The following MARCHF6 variants were observed in gnomAD, a reference collection of about 807,000 sequenced individuals.
MARCHF6 encodes E3 ubiquitin-protein ligase MARCHF6.
MARCHF6 carries 31 observed loss-of-function variants against 133.7 expected under a neutral mutation model. The observed-to-expected ratio is 0.23, with a 90% CI of 0.17 to 0.31. The LOEUF (loss-of-function observed/expected upper bound fraction) is 0.31, where lower values mean the gene tolerates loss of function less well. Ranked by LOEUF, MARCHF6 falls within the 10% of genes least tolerant of loss-of-function variation. The pLI is 1.00. For synonymous variants in MARCHF6, 395 were observed against 402.5 expected, an observed-to-expected ratio of 0.98 and a Z score of 0.22; for missense variants, 723 against 1,121.6, an observed-to-expected ratio of 0.64 and a Z score of 5.08.
intron 22 of MARCHF6, among the ~76,000 whole-genome samples, chr5:10,421,054 A>G (rs951742755): frequency 8.5e-5 from 13 of 152,172 alleles, no homozygotes; most frequent in African/African-American, 3.1e-4. Flanking sequence ...AATAAATGCA[A>G]CTTGTTCTAG....
At chr5:10,358,580 T>G (rs893696661) in intron 1 of MARCHF6, among the ~76,000 whole-genome samples, 2 of 152,208 alleles carry the variant, frequency 1.3e-5, no homozygotes, top group Non-Finnish European at 2.9e-5. Context: ...TTCTAAGTAA[T>G]CTAGAGATAA....
intron 22 of MARCHF6, 86 bp from the exon 23 acceptor site, chr5:10,423,649 A>G: frequency 1.2e-6 from 1 of 828,788 alleles, no homozygotes; most frequent in Non-Finnish European, 1.9e-6. Context: ...TTGATGTGAA[A>G]TAATGTAAGA....
rs762685475 is a variant in MARCHF6 at position 10,387,006 on chromosome 5, A to G, written c.347A>G (p.Lys116Arg). Residue 116 changes from lysine to arginine, a missense_variant, in exon 5 of 26, where the codon AAG (lysine) becomes AGG (arginine). Lys to Arg is a conservative substitution (Grantham distance 26). Coordinates refer to ENST00000274140, the MANE Select transcript of MARCHF6 (RefSeq NM_005885.4). ...VVPLTACRIY[K>R]CLFTGSVSSL... is the part of the protein sequence containing the mutation. ...TCTTTTTCGGTAGGCCGCATCTACA[A>G]GTGCTTGTTTACTGGCTCCGTGAGC... The G allele has an allele frequency of 1.7e-5, 27 of 1,613,174 alleles. No individual in the cohort carries two copies. The highest frequency in any genetic ancestry group is 2.1e-5 in the Non-Finnish European group (25 of 1,179,322).
At chr5:10,363,123 T>C (rs1299777230) in intron 1 of MARCHF6, among the ~76,000 whole-genome samples, 1 of 152,182 alleles carries the variant, frequency 6.6e-6, no homozygotes, top group East Asian at 1.9e-4. Flanking sequence ...CTTCGGAATC[T>C]TGGGTTAGAC....
At position 10,353,890 on chromosome 5, in the gene MARCHF6, C is replaced by A. The variant is rs1735258793; in HGVS notation, c.-9C>A. The A allele has an allele frequency of 6.4e-7, 1 of 1,565,354 alleles. No homozygotes were observed. ...TCGTGGCTGCGTCACCGCCGCCCCC[C>A]CAGACAAGATGGACACCGCGGAGGA... On this transcript the variant is annotated 5_prime_UTR_variant, in exon 1 of 26. Coordinates refer to ENST00000274140, the MANE Select transcript of MARCHF6 (RefSeq NM_005885.4).
intron 22 of MARCHF6, chr5:10,421,827 C>T (rs912330317): frequency 3.3e-5 from 5 of 152,360 alleles, no homozygotes; most frequent in African/African-American, 1.2e-4. Flanking sequence ...TCCCAAAGGT[C>T]TGAAGACGTA....
At chr5:10,407,508 T>A (rs745360023) in intron 17 of MARCHF6, among the ~76,000 whole-genome samples, 1 of 152,244 alleles carries the variant, frequency 6.6e-6, no homozygotes, top group African/African-American at 2.4e-5. Flanking sequence ...TTGCACACCA[T>A]TGAAATGTTT....
chr5:10,353,972 C>G, intron 1 of MARCHF6, 55 bp downstream of exon 1: 4 of 1,515,268 alleles, frequency 2.6e-6, no homozygotes, highest in Admixed American at 4.1e-5. Flanking sequence ...GGGTTCGTAC[C>G]CCGGCCAGGT....
Position 10,423,784 on chromosome 5 carries a change from T to C in MARCHF6, c.2333T>C (p.Leu778Ser). ...GCCAAAATCATTGCAGCTATAACAT[T>C]GATGGGTCCTCAGTGGTGGTTGAAA... ...LHAKIIAAITLMGPQWWLKTV... is the reference protein window; with the variant it reads ...LHAKIIAAITSMGPQWWLKTV... Residue 778 changes from leucine to serine, a missense_variant, in exon 23 of 26, where the codon TTG becomes TCG. By Grantham distance (145) the Leu-to-Ser change is moderately radical. Coordinates refer to ENST00000274140, the MANE Select transcript of MARCHF6 (RefSeq NM_005885.4). 1 of 1,613,756 alleles carries C rather than the reference T, an allele frequency of 6.2e-7. No homozygotes were observed. The highest frequency in any genetic ancestry group is 1.3e-5 in the African/African-American group (1 of 75,034).
At chr5:10,426,134 A>G (rs1740073258) in intron 23 of MARCHF6, among the ~76,000 whole-genome samples, 2 of 152,238 alleles carry the variant, frequency 1.3e-5, no homozygotes, top group South Asian at 2.1e-4. Context: ...CAAGTAGAGT[A>G]TAAATTATTC....
intron 3 of MARCHF6, among the ~76,000 whole-genome samples, chr5:10,381,058 G>T (rs1268151035): frequency 6.6e-6 from 1 of 151,870 alleles, no homozygotes; most frequent in African/African-American, 2.4e-5. Context: ...ATAATTTCTT[G>T]TTTTGGCCTT....
chr5:10,435,732 C>T lies in MARCHF6; in HGVS notation c.*2048C>T, dbSNP rs1286410940. On this transcript the variant is annotated 3_prime_UTR_variant, in exon 26 of 26. Coordinates refer to ENST00000274140, the MANE Select transcript of MARCHF6 (RefSeq NM_005885.4). ...TTTTTTTTTTTTTTTTTTTTTTGCC[C>T]CCGAGACAGAGTCTTACTCTGTTGC... The T allele has an allele frequency of 1.3e-5, 1 of 78,126 alleles. No individual in the cohort carries two copies. The highest frequency in any genetic ancestry group is 2.4e-5 in the Non-Finnish European group (1 of 41,562). 4.8% of individuals were successfully genotyped at this position (78,126 alleles called of 1,614,324 possible). A position where few individuals can be genotyped will look rare whatever the true frequency, so the allele number is the denominator to read the frequency against.
intron 25 of MARCHF6, among the ~76,000 whole-genome samples, chr5:10,433,138 C>G (rs906411611): frequency 1.3e-5 from 2 of 152,208 alleles, no homozygotes; most frequent in African/African-American, 4.8e-5. Context: ...GATCCACTCG[C>G]CTCGGCCTCC....
intron 5 of MARCHF6, among the ~76,000 whole-genome samples, chr5:10,387,582 C>CTCCCAAA (rs1737563905): frequency 6.6e-6 from 1 of 152,142 alleles, no homozygotes; most frequent in Non-Finnish European, 1.5e-5. Context: ...GGATTACAGG[C>CTCCCAAA]GTGAGCCACC....
chr5:10,410,101 C>A (rs1252581192), intron 17 of MARCHF6, 38 bp from the exon 18 acceptor site: 5 of 1,606,158 alleles, frequency 3.1e-6, no homozygotes, highest in Non-Finnish European at 4.3e-6. Flanking sequence ...TAGTCATATG[C>A]AAAATACAAT....
At chr5:10,363,841 A>T (rs1227173343) in intron 1 of MARCHF6, among the ~76,000 whole-genome samples, 3 of 152,220 alleles carry the variant, frequency 2.0e-5, no homozygotes, top group Non-Finnish European at 4.4e-5. Context: ...GATAAGTGAA[A>T]TAAGCCAGTC....
chr5:10,422,293 G>A (rs935421710), intron 22 of MARCHF6, among the ~76,000 whole-genome samples: 3 of 152,136 alleles, frequency 2.0e-5, no homozygotes, highest in African/African-American at 4.8e-5. Context: ...GATAACGGGG[G>A]TTCCAGAAGG....
At chr5:10,372,955 G>A (rs142847547) in intron 1 of MARCHF6, among the ~76,000 whole-genome samples, 4 of 152,148 alleles carry the variant, frequency 2.6e-5, no homozygotes, top group Admixed American at 2.6e-4. Context: ...TAGTGCTTTG[G>A]GAGCTGAGAT....
Position 10,415,554 on chromosome 5 carries a change from C to G in MARCHF6, c.2033C>G (p.Ala678Gly). 1 of 1,614,148 alleles carries G rather than the reference C, an allele frequency of 6.2e-7. No individual in the cohort carries two copies. Among genetic ancestry groups the G allele is most frequent in the Non-Finnish European group, 8.5e-7 (1 of 1,180,014 alleles). Residue 678 changes from alanine (A) to glycine (G), a missense_variant, in exon 21 of 26, where the codon GCT becomes GGT. By Grantham distance (60) the Ala-to-Gly change is moderately conservative. Around this residue, in one of 4 missense-constraint regions of MARCHF6, gnomAD observed 492 missense variants for 699.5 expected, o/e 0.70. Transcript: ENST00000274140. ...GTAKIHELYT[A>G]ACGLYVCWLT... is the part of the protein sequence containing the mutation. ...GCCAAAATCCATGAGCTCTACACAG[C>G]TGCTTGTGGTCTCTATGTTTGCTGG...
Sources: gnomAD v4.1 joint callset for allele counts (sites outside exome capture counted in the v4.1 genomes callset) on GRCh38, gnomAD v4.1.1 for gene constraint, gnomAD v4.1.1 regional missense constraint, MANE v1.5 for transcripts, NCBI Gene and HGNC (gene_info 2026-07-23, HGNC 2026-07-21) for gene names.